The following ZNF557 variants were observed in gnomAD, a reference collection of about 807,000 sequenced individuals.
ZNF557 encodes CTB-25J19.9.
A neutral mutation model predicts 21.2 loss-of-function variants in ZNF557; 19 were observed. That is an observed-to-expected ratio of 0.90 (90% confidence interval 0.63 to 1.32). ZNF557 has a LOEUF of 1.32. Ranked by LOEUF, ZNF557 falls within the 40% of genes most tolerant of loss-of-function variation. ZNF557 has a pLI of 0.00. For synonymous variants in ZNF557, 207 were observed against 194.8 expected (o/e 1.06, Z -0.52); for missense variants, 487 against 519.8 (o/e 0.94, Z 0.61).
chr19:7,081,150 GGTGTGTGTGTGTGTGTGTGT>G (rs531191945), intron 5 of ZNF557, among the ~76,000 whole-genome samples, 190 bp from the exon 6 acceptor site: 18 of 139,106 alleles, frequency 1.3e-4, no homozygotes, highest in Admixed American at 2.9e-4. Flanking sequence ...TTGCTTGTGG[GGTGTGTGTGTGTGTGTGTGT>G]GTGTGTGTGT....
chr19:7,081,171 G>A (rs1977693864), intron 5 of ZNF557, among the ~76,000 whole-genome samples, 189 bp from the exon 6 acceptor site: 1 of 122,404 alleles, frequency 8.2e-6, no homozygotes, highest in African/African-American at 3.6e-5. Flanking sequence ...GTGTGTGTGT[G>A]TGTGTGTGTG....
In ZNF557 at chr19:7,073,389, C is replaced by T. The variant is rs1977506247; in HGVS notation, c.-79-1607C>T. Among the ~76,000 whole-genome samples the T allele has an allele frequency of 2.0e-5, 3 of 152,148 alleles. No homozygotes were observed. The South Asian group carries it at 6.2e-4, about 32-fold the overall frequency. On this transcript the variant is annotated intron_variant, in intron 2 of 7. Coordinates refer to ENST00000252840, the MANE Select transcript of ZNF557 (RefSeq NM_024341.3). ...CAGGCTGTTCTTGAACTGCTGACCT[C>T]AGGTGATCCGCCCACCTCGGCCTCC...
chr19:7,086,628 T>G lies in ZNF557; in HGVS notation c.*2884T>G, dbSNP rs1272607368. The G allele has an allele frequency of 6.9e-6, 1 of 144,566 alleles. No individual in the cohort carries two copies. Among genetic ancestry groups the G allele is most frequent in the Non-Finnish European group, 1.5e-5 (1 of 66,322 alleles). The allele number at this position is 144,566 out of a possible 1,614,324, so 9.0% of individuals were successfully genotyped here. Reference sequence around the variant, plus strand: ...CACCTGCCTCGGCCTCCCAAAGCACTGGGATTACAGGCGTGAGCCACCATG... The same window carrying G: ...CACCTGCCTCGGCCTCCCAAAGCACGGGGATTACAGGCGTGAGCCACCATG... On this transcript the variant is annotated 3_prime_UTR_variant, in exon 8 of 8. Transcript: ENST00000252840.
At chr19:7,079,561 G>A (rs1478091860) in intron 5 of ZNF557, among the ~76,000 whole-genome samples, 1 of 152,010 alleles carries the variant, frequency 6.6e-6, no homozygotes, top group Non-Finnish European at 1.5e-5. Context: ...TTCTTTACAT[G>A]CCTCATAATT....
chr19:7,075,744 G>A lies in ZNF557; in HGVS notation c.120+1G>A. 2 of 1,612,938 alleles carry A rather than the reference G, an allele frequency of 1.2e-6. No homozygotes were observed. Among genetic ancestry groups the A allele is most frequent in the Non-Finnish European group, 1.7e-6 (2 of 1,179,164 alleles). The stretch of plus-strand genomic sequence containing the variant: ...TGAGCTCCTGAAAAGCTGGCTAAAG[G>A]TGAGTCGGATGTTCCTTTTTCCAAA... On this transcript the variant is annotated splice_donor_variant, in intron 4 of 7. Transcript: ENST00000252840. LOFTEE classifies it high-confidence loss of function.
chr19:7,083,458 C>T lies in ZNF557; in HGVS notation c.1007C>T (p.Thr336Ile). 6.2e-7 allele frequency: 1 copy of T among 1,614,166 alleles called. No individual in the cohort carries two copies. Among genetic ancestry groups the T allele is most frequent in the South Asian group, 1.1e-5 (1 of 91,086 alleles). ...ACCTTCAGGAGGAGGTCGAATCTGACACAGCACATAAGAACTCATACTGGA... is the reference window on the plus strand; with the variant it reads ...ACCTTCAGGAGGAGGTCGAATCTGATACAGCACATAAGAACTCATACTGGA... ...GRTFRRRSNL[T>I]QHIRTHTGEK... The change falls in exon 8 of 8, where the codon ACA becomes ATA. Residue 336 changes from threonine to isoleucine, a missense_variant. Coordinates refer to ENST00000252840, the MANE Select transcript of ZNF557 (RefSeq NM_024341.3).
In ZNF557 at chr19:7,087,220, T is replaced by TTTTTTTTTTTTTTTC; in HGVS notation, c.*3482_*3483insTTTTTTTTCTTTTTT. On this transcript the variant is annotated 3_prime_UTR_variant, in exon 8 of 8. Coordinates refer to ENST00000252840, the MANE Select transcript of ZNF557 (RefSeq NM_024341.3). The stretch of plus-strand genomic sequence containing the variant: ...AAAAGAGCTTTTTTTTTTTTTTTTT[T>TTTTTTTTTTTTTTTC]TTTTTTCTTCACTGTGGTGATAAAA... The TTTTTTTTTTTTTTTC allele has an allele frequency of 9.6e-6, 1 of 104,474 alleles. No homozygotes were observed. The highest frequency in any genetic ancestry group is 2.0e-5 in the Non-Finnish European group (1 of 49,474). 6.5% of individuals were successfully genotyped at this position (104,474 alleles called of 1,614,324 possible).
chr19:7,082,309 A>C (rs998166368), intron 7 of ZNF557, among the ~76,000 whole-genome samples: 2 of 151,918 alleles, frequency 1.3e-5, no homozygotes, highest in African/African-American at 2.4e-5. Context: ...TGTAATCCCA[A>C]ATACTTGGGA....
Position 7,076,525 on chromosome 19 carries a change from C to T in ZNF557, c.247+18C>T. The T allele has an allele frequency of 4.4e-6, 7 of 1,607,772 alleles. No homozygotes were observed. Among genetic ancestry groups the T allele is most frequent in the Non-Finnish European group, 5.9e-6 (7 of 1,177,076 alleles). ...CTCACTGGGTAAGCCTAATGTCATT[C>T]CTGCATTTATTTAATGACTCAGGAA... On this transcript the variant is annotated intron_variant, in intron 5 of 7. Coordinates refer to ENST00000252840, the MANE Select transcript of ZNF557 (RefSeq NM_024341.3).
rs757702705 is a variant in ZNF557, at chr19:7,083,327, T to G, written c.876T>G (p.Tyr292Ter). 5 of 1,614,114 alleles carry G rather than the reference T, an allele frequency of 3.1e-6. No individual in the cohort carries two copies. The highest frequency in any genetic ancestry group is 4.2e-6 in the Non-Finnish European group (5 of 1,180,044). ...HKRVHTGEGH[Y>*]VCNQCGKAFG... is the part of the protein sequence containing the mutation. ...GAGTTCATACGGGGGAGGGTCATTATGTATGTAATCAGTGTGGAAAGGCTT... is the reference window on the plus strand; with the variant it reads ...GAGTTCATACGGGGGAGGGTCATTAGGTATGTAATCAGTGTGGAAAGGCTT... The change falls in exon 8 of 8, where the codon TAT becomes TAG. Residue 292 changes from tyrosine (Y) to a stop codon, truncating the protein, a stop_gained. Transcript: ENST00000252840. LOFTEE classifies it low-confidence loss of function (END_TRUNC).
chr19:7,075,767 A>G, intron 4 of ZNF557, 24 bp downstream of exon 4: 1 of 1,610,154 alleles, frequency 6.2e-7, no homozygotes, highest in Non-Finnish European at 8.5e-7. Context: ...TCCTTTTTCC[A>G]AATCATGATT....
rs146111890 is a variant in ZNF557, at chr19:7,076,527, T to C, written c.247+20T>C. 32 of 1,606,600 alleles carry C rather than the reference T, an allele frequency of 2.0e-5. No individual in the cohort carries two copies. The highest frequency in any genetic ancestry group is 2.6e-5 in the Non-Finnish European group (31 of 1,176,550). ...CACTGGGTAAGCCTAATGTCATTCC[T>C]GCATTTATTTAATGACTCAGGAAGT... On this transcript the variant is annotated intron_variant, in intron 5 of 7. Transcript: ENST00000252840.
chr19:7,081,491 C>A, intron 6 of ZNF557, 36 bp downstream of exon 6: 1 of 1,400,838 alleles, frequency 7.1e-7, no homozygotes, highest in Non-Finnish European at 1.0e-6. Flanking sequence ...TTGTGAGGAA[C>A]AGCTCTGGCC....
At position 7,087,496 on chromosome 19, in the gene ZNF557, C is replaced by T. The variant is rs766294630; in HGVS notation, c.*3752C>T. 6.7e-6 allele frequency: 1 copy of T among 150,268 alleles called. No homozygotes were observed. The highest frequency in any genetic ancestry group is 3.4e-3 in the Middle Eastern group (1 of 296). The allele number at this position is 150,268 out of a possible 1,614,324, so 9.3% of individuals were successfully genotyped here. On this transcript the variant is annotated 3_prime_UTR_variant, in exon 8 of 8. Transcript: ENST00000252840. Reference sequence around the variant, plus strand: ...AGGTTGCAGTGAGCCAAGGTTGACCCACTGCACTCCAGCCTGGGCAACAAG... The same window carrying T: ...AGGTTGCAGTGAGCCAAGGTTGACCTACTGCACTCCAGCCTGGGCAACAAG...
chr19:7,071,669 C>A (rs931357847), intron 2 of ZNF557, among the ~76,000 whole-genome samples: 1 of 151,958 alleles, frequency 6.6e-6, no homozygotes, highest in Non-Finnish European at 1.5e-5. Context: ...CAGGGTGAAA[C>A]CCCGTCTGTA....
At chr19:7,076,601 T>G (rs1416808669) in intron 5 of ZNF557, 94 bp downstream of exon 5, 2 of 1,519,534 alleles carry the variant, frequency 1.3e-6, no homozygotes, top group African/African-American at 1.4e-5. Context: ...GACACAAAAG[T>G]CACCATTTAA....
intron 5 of ZNF557, 81 bp downstream of exon 5, chr19:7,076,588 C>T (rs1977591668): frequency 6.5e-7 from 1 of 1,547,968 alleles, no homozygotes; most frequent in East Asian, 2.3e-5. Context: ...TGAGGTAACA[C>T]AGGACACAAA....
At chr19:7,078,461 C>T (rs1186756306) in intron 5 of ZNF557, among the ~76,000 whole-genome samples, 2 of 148,620 alleles carry the variant, frequency 1.3e-5, no homozygotes, top group Non-Finnish European at 3.0e-5. Context: ...CCCGGAGTCT[C>T]ACTCTGTCGC....
chr19:7,073,562 G>A (rs1199561477), intron 2 of ZNF557, among the ~76,000 whole-genome samples: 1 of 152,132 alleles, frequency 6.6e-6, no homozygotes, highest in Non-Finnish European at 1.5e-5. Context: ...TGGGGGTTCT[G>A]TTAACACCAC....
Sources: allele counts gnomAD v4.1 joint callset (sites outside exome capture counted in the v4.1 genomes callset), GRCh38; gene constraint gnomAD v4.1.1; transcripts MANE v1.5; gene names NCBI Gene and HGNC (gene_info 2026-07-23, HGNC 2026-07-21).